Variants in MCTP1 observed in about 807,000 individuals in gnomAD.
The protein encoded by MCTP1 is multiple C2 and transmembrane domain-containing protein 1.
In MCTP1, 69 loss-of-function variants were observed where a neutral mutation model predicts 120.6. The ratio of observed to expected loss-of-function variants is 0.57; its 90% CI spans 0.47 to 0.70. The LOEUF (loss-of-function observed/expected upper bound fraction) is 0.70, where lower values mean the gene tolerates loss of function less well. Ranked by LOEUF, MCTP1 falls within the 30% of genes least tolerant of loss-of-function variation. The pLI is 0.00. For synonymous variants in MCTP1, 529 were observed against 493.1 expected (o/e 1.07, Z -0.96); for missense variants, 1,203 against 1,248.8 (o/e 0.96, Z 0.55).
At chr5:94,967,213 A>G (rs1397699076) in intron 2 of MCTP1, among the ~76,000 whole-genome samples, 3 of 152,130 alleles carry the variant, frequency 2.0e-5, no homozygotes, top group East Asian at 3.8e-4. Flanking sequence ...AAATCCCCTG[A>G]AGGTTGGGTA....
At chr5:95,109,370 AG>A (rs1757303131) in intron 1 of MCTP1, among the ~76,000 whole-genome samples, 2 of 152,222 alleles carry the variant, frequency 1.3e-5, no homozygotes, top group East Asian at 3.8e-4. Context: ...AGATTTACTT[AG>A]ATTTTCAATA....
chr5:95,217,609 C>A (rs184612373), intron 1 of MCTP1, among the ~76,000 whole-genome samples: 4 of 152,226 alleles, frequency 2.6e-5, no homozygotes, highest in African/African-American at 9.6e-5. Flanking sequence ...TCTGTGAGAA[C>A]AATGGGGCAT....
chr5:94,707,607 C>A, intron 22 of MCTP1, 40 bp from the exon 23 acceptor site: 2 of 1,468,102 alleles, frequency 1.4e-6, no homozygotes, highest in South Asian at 1.1e-5. Context: ...GTCAGGTGGC[C>A]ACTTTCTGGC....
At chr5:94,721,081 A>G (rs1760774024) in intron 19 of MCTP1, among the ~76,000 whole-genome samples, 1 of 152,322 alleles carries the variant, frequency 6.6e-6, no homozygotes, top group African/African-American at 2.4e-5. Flanking sequence ...CCTACAAAGA[A>G]TTCCTTTGAG....
At chr5:94,729,794 A>G (rs1762802769) in intron 19 of MCTP1, among the ~76,000 whole-genome samples, 1 of 152,226 alleles carries the variant, frequency 6.6e-6, no homozygotes, top group African/African-American at 2.4e-5. Context: ...ATAGTGCCAC[A>G]GAGGGAGGCT....
chr5:95,120,938 A>C (rs1758175145), intron 1 of MCTP1, among the ~76,000 whole-genome samples: 1 of 152,128 alleles, frequency 6.6e-6, no homozygotes, highest in Non-Finnish European at 1.5e-5. Flanking sequence ...GAAAAACCTA[A>C]AGACTTCCCC....
intron 1 of MCTP1, among the ~76,000 whole-genome samples, chr5:95,057,785 T>C (rs1051614500): frequency 6.6e-6 from 1 of 152,150 alleles, no homozygotes; most frequent in African/African-American, 2.4e-5. Flanking sequence ...CTCTGTTTCA[T>C]GTATTTCCTC....
intron 1 of MCTP1, among the ~76,000 whole-genome samples, chr5:95,270,913 G>A (rs1759331307): frequency 8.4e-6 from 1 of 118,964 alleles, no homozygotes; most frequent in Non-Finnish European, 1.7e-5. Flanking sequence ...CTGGGCGACA[G>A]AGCAAGACTC....
intron 20 of MCTP1, among the ~76,000 whole-genome samples, 180 bp downstream of exon 20, chr5:94,714,597 T>C (rs1437609467): frequency 6.6e-6 from 1 of 152,116 alleles, no homozygotes; most frequent in Non-Finnish European, 1.5e-5. Context: ...GGAAGGAAAT[T>C]GACAGAACTT....
chr5:94,745,307 C>G (rs997162967), intron 19 of MCTP1, among the ~76,000 whole-genome samples: 2 of 152,190 alleles, frequency 1.3e-5, no homozygotes, highest in Non-Finnish European at 2.9e-5. Context: ...GGAGAGTGTG[C>G]TCTTTGGTGC....
chr5:94,722,892 G>A (rs903292587), intron 19 of MCTP1, among the ~76,000 whole-genome samples: 11 of 152,088 alleles, frequency 7.2e-5, no homozygotes, highest in African/African-American at 2.4e-4. Flanking sequence ...AGATGGTTTT[G>A]GTGCACTACT....
chr5:94,862,812 G>A (rs539802668), intron 17 of MCTP1, among the ~76,000 whole-genome samples: 2 of 151,734 alleles, frequency 1.3e-5, no homozygotes, highest in Non-Finnish European at 2.9e-5. Context: ...GATAAATTGG[G>A]CGAAAATGTA....
intron 10 of MCTP1, among the ~76,000 whole-genome samples, chr5:94,908,876 G>A (rs2097325636): frequency 6.6e-6 from 1 of 151,972 alleles, no homozygotes; most frequent in African/African-American, 2.4e-5. Flanking sequence ...AGAAAATAAT[G>A]CATTTTACGG....
chr5:95,214,757 T>G (rs551910958), intron 1 of MCTP1, among the ~76,000 whole-genome samples: 8 of 150,628 alleles, frequency 5.3e-5, no homozygotes, highest in African/African-American at 2.0e-4. Context: ...CAGCAAACTA[T>G]GGCAAGGACA....
intron 2 of MCTP1, among the ~76,000 whole-genome samples, chr5:94,962,154 G>C (rs1005844807): frequency 2.0e-5 from 3 of 152,062 alleles, no homozygotes; most frequent in East Asian, 3.9e-4. Context: ...ATAGATGTTG[G>C]TGTGGATGGG....
chr5:95,042,964 T>C (rs1842595802), intron 1 of MCTP1, among the ~76,000 whole-genome samples: 1 of 152,204 alleles, frequency 6.6e-6, no homozygotes, highest in African/African-American at 2.4e-5. Context: ...TTGTCTTATG[T>C]AGATCTTGGT....
At chr5:95,093,934 C>G (rs1756033904) in intron 1 of MCTP1, among the ~76,000 whole-genome samples, 1 of 152,210 alleles carries the variant, frequency 6.6e-6, no homozygotes, top group Non-Finnish European at 1.5e-5. Context: ...ATGGAGAGGT[C>G]TACGTGGAGA....
intron 2 of MCTP1, among the ~76,000 whole-genome samples, chr5:94,988,562 G>A (rs1160102627): frequency 3.4e-5 from 5 of 148,340 alleles, no homozygotes; most frequent in African/African-American, 5.0e-5. Flanking sequence ...GTAGGTTTTC[G>A]AAAACAACTT....
At chr5:95,179,217 C>G (rs1748342631) in intron 1 of MCTP1, among the ~76,000 whole-genome samples, 1 of 152,102 alleles carries the variant, frequency 6.6e-6, no homozygotes, top group South Asian at 2.1e-4. Flanking sequence ...TGGTGGTGTT[C>G]CTGAGGAAGA....
Sources: gnomAD v4.1 joint callset for allele counts (sites outside exome capture counted in the v4.1 genomes callset) on GRCh38, gnomAD v4.1.1 for gene constraint, MANE v1.5 for transcripts, NCBI Gene and HGNC (gene_info 2026-07-23, HGNC 2026-07-21) for gene names.